Variants in SCHIP1 observed in about 807,000 individuals in gnomAD.
The protein encoded by SCHIP1 is schwannomin interacting protein 1.
Under a neutral mutation model 29.7 loss-of-function variants are expected in SCHIP1, and 8 were observed. That is an observed-to-expected ratio of 0.27 (90% confidence interval 0.16 to 0.49). The LOEUF is 0.49. Among genes scored for constraint, SCHIP1 ranks in the 20% least tolerant of loss-of-function variants. The pLI, the probability that SCHIP1 is intolerant of heterozygous loss-of-function variation, is 0.99. For missense variants in SCHIP1, 193 were observed against 294.6 expected (o/e 0.66, Z 2.52); for synonymous variants, 76 against 94.9 (o/e 0.80, Z 1.16).
At chr3:159,563,461 TTA>T in the SCHIP1 span, among the ~76,000 whole-genome samples, 15 of 152,250 alleles carry the variant, frequency 9.9e-5, no homozygotes, top group Admixed American at 1.3e-4. Context: ...ATACCTAGAT[TTA>T]TATGTTTTAT....
the SCHIP1 span, among the ~76,000 whole-genome samples, chr3:159,328,939 A>G: frequency 6.6e-6 from 1 of 152,196 alleles, no homozygotes; most frequent in Non-Finnish European, 1.5e-5. Context: ...ACTTATCTCC[A>G]TCTCATAGGA....
the SCHIP1 span, among the ~76,000 whole-genome samples, chr3:159,804,707 T>C: frequency 6.6e-6 from 1 of 152,202 alleles, no homozygotes; most frequent in Non-Finnish European, 1.5e-5. Context: ...AAAACCAAAC[T>C]AACCTGGCTT....
the SCHIP1 span, among the ~76,000 whole-genome samples, chr3:159,402,461 G>T: frequency 6.6e-6 from 1 of 152,138 alleles, no homozygotes; most frequent in Non-Finnish European, 1.5e-5. Flanking sequence ...AAATCATGCT[G>T]CTATAAAGAC....
At chr3:159,520,948 T>C in the SCHIP1 span, among the ~76,000 whole-genome samples, 3 of 152,264 alleles carry the variant, frequency 2.0e-5, no homozygotes, top group African/African-American at 7.2e-5. Flanking sequence ...TTATATGAAC[T>C]GTGATTTTAA....
chr3:159,660,341 T>A, the SCHIP1 span, among the ~76,000 whole-genome samples: 37 of 152,214 alleles, frequency 2.4e-4, no homozygotes, highest in Non-Finnish European at 5.0e-4. Flanking sequence ...CTTTTCCTCA[T>A]TGTCTTTTCC....
At chr3:159,301,059 T>C in the SCHIP1 span, among the ~76,000 whole-genome samples, 3,650 of 152,320 alleles carry the variant, frequency 0.024, 145 homozygotes, top group African/African-American at 0.083. Flanking sequence ...ATAAAATTAA[T>C]AGCACATATT....
the SCHIP1 span, among the ~76,000 whole-genome samples, chr3:159,276,095 C>T: frequency 1.9e-5 from 2 of 105,874 alleles, no homozygotes. Context: ...GTGGTTTTTA[C>T]TGCTGATTTT....
At chr3:159,506,884 T>C in the SCHIP1 span, among the ~76,000 whole-genome samples, 2 of 152,232 alleles carry the variant, frequency 1.3e-5, no homozygotes, top group African/African-American at 4.8e-5. Context: ...GTAACATAGT[T>C]TGAAGTCAGG....
the SCHIP1 span, among the ~76,000 whole-genome samples, chr3:159,418,538 G>C: frequency 6.6e-6 from 1 of 152,154 alleles, no homozygotes; most frequent in Non-Finnish European, 1.5e-5. Flanking sequence ...ACAGGAATTT[G>C]ATATTTATTA....
the SCHIP1 span, chr3:159,764,368 G>A: frequency 1.3e-6 from 2 of 1,495,308 alleles, no homozygotes; most frequent in Non-Finnish European, 1.8e-6. The surrounding 1 kb of genome is among the most constrained non-coding windows in gnomAD (Gnocchi z 6.1). Flanking sequence ...GCACTGAGCC[G>A]GGGCATTTGG....
the SCHIP1 span, among the ~76,000 whole-genome samples, chr3:159,697,155 T>C: frequency 1.4e-4 from 21 of 152,140 alleles, no homozygotes; most frequent in Non-Finnish European, 2.9e-4. Flanking sequence ...TGGGCTGGAC[T>C]AGATAGTACC....
At chr3:159,452,316 A>G in the SCHIP1 span, among the ~76,000 whole-genome samples, 1 of 151,916 alleles carries the variant, frequency 6.6e-6, no homozygotes, top group Non-Finnish European at 1.5e-5. Flanking sequence ...CCATCCCCCA[A>G]TAGAACCCAG....
chr3:159,599,521 G>A, the SCHIP1 span, among the ~76,000 whole-genome samples: 1 of 152,078 alleles, frequency 6.6e-6, no homozygotes, highest in Non-Finnish European at 1.5e-5. Flanking sequence ...CCATTCCTGA[G>A]TTATATTACT....
At chr3:159,475,905 CAG>C in the SCHIP1 span, among the ~76,000 whole-genome samples, 1 of 152,068 alleles carries the variant, frequency 6.6e-6, no homozygotes, top group African/African-American at 2.4e-5. Flanking sequence ...TTGGGAAAAA[CAG>C]AGGAAACTAT....
the SCHIP1 span, among the ~76,000 whole-genome samples, chr3:159,798,665 C>T: frequency 5.3e-5 from 8 of 151,854 alleles, no homozygotes; most frequent in African/African-American, 4.8e-5. Flanking sequence ...GCCTGAGGCA[C>T]GAGAATCGCT....
At chr3:159,438,578 C>A in the SCHIP1 span, among the ~76,000 whole-genome samples, 4 of 152,082 alleles carry the variant, frequency 2.6e-5, no homozygotes, top group Admixed American at 2.6e-4. Flanking sequence ...CACAGATCAT[C>A]CCATCACCCA....
chr3:159,275,346 C>G, the SCHIP1 span, among the ~76,000 whole-genome samples: 2 of 152,028 alleles, frequency 1.3e-5, no homozygotes, highest in South Asian at 4.1e-4. Context: ...TAAATTGTTC[C>G]CTTATGGCAA....
the SCHIP1 span, among the ~76,000 whole-genome samples, chr3:159,491,909 A>T: frequency 6.6e-6 from 1 of 152,184 alleles, no homozygotes; most frequent in Non-Finnish European, 1.5e-5. Context: ...AAACTTCCAG[A>T]GGAACGATCA....
chr3:159,732,066 G>A, the SCHIP1 span, among the ~76,000 whole-genome samples: 3 of 152,126 alleles, frequency 2.0e-5, no homozygotes, highest in African/African-American at 7.2e-5. Context: ...GGCTGGTCCC[G>A]AACTCCTGAA....
Sources: allele counts gnomAD v4.1 joint callset (sites outside exome capture counted in the v4.1 genomes callset), GRCh38; gene constraint gnomAD v4.1.1; non-coding constraint Gnocchi (gnomAD v3.1); transcripts MANE v1.5; gene names NCBI Gene and HGNC (gene_info 2026-07-23, HGNC 2026-07-21).